Variants in FAR1 observed in about 807,000 individuals in gnomAD.
The protein encoded by FAR1 is fatty acyl-CoA reductase 1.
A neutral mutation model predicts 61.1 loss-of-function variants in FAR1; 22 were observed. The ratio of observed to expected loss-of-function variants is 0.36; its 90% CI spans 0.26 to 0.51. The LOEUF (loss-of-function observed/expected upper bound fraction) is 0.51, where lower values mean the gene tolerates loss of function less well. FAR1 is among the 20% of genes least tolerant of loss of function. The probability of loss-of-function intolerance (pLI) is 0.95; values close to 1 mark genes in which losing one functional copy is unlikely to be tolerated. For missense variants in FAR1, 359 were observed against 626.9 expected (o/e 0.57, Z 4.56); for synonymous variants, 206 against 209.7 (o/e 0.98, Z 0.15).
rs919498858 is a variant in FAR1, at chr11:13,728,842, T to TAA, written c.*69_*70dup. ...CTAAATGTACAAAATGTAAAATGTA[T>TAA]AAGTCATCTCACTTTTTGTCAAGAC... On this transcript the variant is annotated 3_prime_UTR_variant, in exon 12 of 12. Transcript: ENST00000354817. 1 of 1,430,954 alleles carries TAA rather than the reference T, an allele frequency of 7.0e-7. No individual in the cohort carries two copies. The highest frequency in any genetic ancestry group is 1.4e-5 in the African/African-American group (1 of 70,582). The allele number at this position is 1,430,954 out of a possible 1,614,324, so 88.6% of individuals were successfully genotyped here.
intron 1 of FAR1, chr11:13,669,481 C>G (rs548620968): frequency 6.6e-6 from 1 of 152,264 alleles, no homozygotes; most frequent in South Asian, 2.1e-4. Context: ...GGACGGGAGG[C>G]TATTGGACTA....
At chr11:13,688,470 G>A (rs1310352897) in intron 1 of FAR1, among the ~76,000 whole-genome samples, 1 of 152,168 alleles carries the variant, frequency 6.6e-6, no homozygotes, top group African/African-American at 2.4e-5. Flanking sequence ...GATAACTGAA[G>A]GAAGTACATC....
intron 9 of FAR1, chr11:13,715,913 C>T (rs1366211472): frequency 3.3e-5 from 5 of 152,080 alleles, no homozygotes; most frequent in African/African-American, 9.7e-5. Context: ...CTGCCAGTTA[C>T]AGTGTATCAG....
chr11:13,702,738 T>C (rs1348749973), intron 3 of FAR1, among the ~76,000 whole-genome samples: 1 of 152,208 alleles, frequency 6.6e-6, no homozygotes, highest in Non-Finnish European at 1.5e-5. Context: ...AATGGTAGTA[T>C]AGTCTTCATT....
intron 11 of FAR1, 42 bp from the exon 12 acceptor site, chr11:13,728,570 C>T: frequency 6.5e-7 from 1 of 1,545,640 alleles, no homozygotes; most frequent in African/African-American, 1.4e-5. Context: ...ATATTTTTTT[C>T]TAGAAAATAC....
chr11:13,682,603 T>C (rs145992434), intron 1 of FAR1, among the ~76,000 whole-genome samples: 201 of 152,290 alleles, frequency 1.3e-3, no homozygotes, highest in African/African-American at 4.7e-3. Context: ...ATTATCCTTT[T>C]TACTTTTTTA....
intron 4 of FAR1, among the ~76,000 whole-genome samples, chr11:13,708,443 G>GCA (rs770468143): frequency 5.3e-4 from 45 of 84,426 alleles, no homozygotes; most frequent in African/African-American, 7.6e-4. Flanking sequence ...GTGCGCGCGC[G>GCA]CGCGCACACA....
intron 9 of FAR1, among the ~76,000 whole-genome samples, chr11:13,716,961 GC>G (rs1848563929): frequency 8.6e-6 from 1 of 115,922 alleles, no homozygotes; most frequent in African/African-American, 3.5e-5. Flanking sequence ...CCCACGACAG[GC>G]CCCCAGTGTG....
chr11:13,671,378 A>G (rs1848002116), intron 1 of FAR1, among the ~76,000 whole-genome samples: 1 of 152,214 alleles, frequency 6.6e-6, no homozygotes, highest in Non-Finnish European at 1.5e-5. Flanking sequence ...TTGGAAATCA[A>G]CCAAGGCTAT....
chr11:13,683,597 T>G (rs1030378811), intron 1 of FAR1, among the ~76,000 whole-genome samples: 1 of 152,130 alleles, frequency 6.6e-6, no homozygotes, highest in Non-Finnish European at 1.5e-5. Context: ...CCCAGGCTGG[T>G]CTCGAACTCC....
Position 13,712,055 on chromosome 11 carries a change from G to A in FAR1, c.887+9G>A, listed in dbSNP as rs1279964867. 7.7e-6 allele frequency: 12 copies of A among 1,551,216 alleles called. No individual in the cohort carries two copies. Among genetic ancestry groups the A allele is most frequent in the Admixed American group, 1.7e-5 (1 of 59,824 alleles). Reference sequence around the variant, plus strand: ...TATTCCGGAGTTAATAGGTATATGAGGTGACAATGTCGCTTATTAAATATA... The same window carrying A: ...TATTCCGGAGTTAATAGGTATATGAAGTGACAATGTCGCTTATTAAATATA... On this transcript the variant is annotated intron_variant, in intron 7 of 11. Coordinates refer to ENST00000354817, the MANE Select transcript of FAR1 (RefSeq NM_032228.6).
chr11:13,684,167 A>G (rs1463636151), intron 1 of FAR1, among the ~76,000 whole-genome samples: 2 of 152,220 alleles, frequency 1.3e-5, no homozygotes, highest in East Asian at 1.9e-4. Context: ...TTCACATTCC[A>G]TTCAGGAAAT....
chr11:13,678,350 C>T (rs1390199540), intron 1 of FAR1, among the ~76,000 whole-genome samples: 11 of 152,038 alleles, frequency 7.2e-5, no homozygotes, highest in Non-Finnish European at 1.2e-4. Context: ...CTGCAAGCTC[C>T]GCCTCCTGGG....
Position 13,714,568 on chromosome 11 carries a change from A to G in FAR1, c.1015A>G (p.Asn339Asp). The change falls in exon 9 of 12, where the codon AAT becomes GAT. Residue 339 changes from asparagine (N) to aspartate (D), a missense_variant. By Grantham distance (23) the Asn-to-Asp change is conservative. Coordinates refer to ENST00000354817, the MANE Select transcript of FAR1 (RefSeq NM_032228.6). Reference sequence around the variant, plus strand: ...TCTCGAACAGGCCTTCAGACGGCCCAATGTAAATCTAACCTCCAATCATCT... The same window carrying G: ...TCTCGAACAGGCCTTCAGACGGCCCGATGTAAATCTAACCTCCAATCATCT... Reference protein sequence around the residue: ...NPLEQAFRRPNVNLTSNHLLY... With the variant: ...NPLEQAFRRPDVNLTSNHLLY... The G allele has an allele frequency of 2.5e-6, 4 of 1,613,528 alleles. No individual in the cohort carries two copies. The highest frequency in any genetic ancestry group is 3.4e-6 in the Non-Finnish European group (4 of 1,179,686).
chr11:13,698,706 C>G (rs192811006), intron 2 of FAR1, among the ~76,000 whole-genome samples: 6 of 152,094 alleles, frequency 3.9e-5, no homozygotes, highest in African/African-American at 1.4e-4. Context: ...TGGCGGGCAC[C>G]TGTAGTCCCA....
intron 1 of FAR1, among the ~76,000 whole-genome samples, chr11:13,689,923 TGGAGTGCA>T: frequency 6.7e-6 from 1 of 149,358 alleles, no homozygotes; most frequent in South Asian, 2.1e-4. Context: ...TCGGCCAGGC[TGGAGTGCA>T]GTGGCACGGT....
intron 1 of FAR1, among the ~76,000 whole-genome samples, chr11:13,692,223 A>G (rs1378692398): frequency 6.6e-6 from 1 of 152,312 alleles, no homozygotes; most frequent in East Asian, 1.9e-4. Context: ...TCCAGATTTC[A>G]TATGTTCAGA....
intron 1 of FAR1, among the ~76,000 whole-genome samples, chr11:13,687,975 G>A (rs968740705): frequency 2.0e-5 from 3 of 151,128 alleles, no homozygotes; most frequent in African/African-American, 7.3e-5. Context: ...GGGAGGGATA[G>A]CATTAGGAGA....
chr11:13,686,007 T>C (rs995966999), intron 1 of FAR1, among the ~76,000 whole-genome samples: 2 of 152,192 alleles, frequency 1.3e-5, no homozygotes, highest in African/African-American at 4.8e-5. Context: ...CTTCTAGCGC[T>C]GTGCACTCAA....
Sources: allele counts gnomAD v4.1 joint callset (sites outside exome capture counted in the v4.1 genomes callset), GRCh38; gene constraint gnomAD v4.1.1; transcripts MANE v1.5; gene names NCBI Gene and HGNC (gene_info 2026-07-23, HGNC 2026-07-21).